UBA3: variants seen among roughly 807,000 people sequenced by gnomAD.
UBA3 encodes the protein ubiquitin like modifier activating enzyme 3.
UBA3 carries 26 observed loss-of-function variants against 73.5 expected under a neutral mutation model. That is an observed-to-expected ratio of 0.35 (90% confidence interval 0.26 to 0.49). The LOEUF (loss-of-function observed/expected upper bound fraction) is 0.49, where lower values mean the gene tolerates loss of function less well. Ranked by LOEUF, UBA3 falls within the 20% of genes least tolerant of loss-of-function variation. UBA3 has a pLI of 0.98. For missense variants in UBA3, 495 were observed against 555.6 expected, an observed-to-expected ratio of 0.89 and a Z score of 1.10; for synonymous variants, 217 against 191.2, an observed-to-expected ratio of 1.13 and a Z score of -1.11.
intron 6 of UBA3, among the ~76,000 whole-genome samples, chr3:69,066,445 T>G (rs544978116): frequency 2.0e-3 from 115 of 56,528 alleles, no homozygotes; most frequent in South Asian, 7.3e-3. Context: ...GTTTTTTGTG[T>G]TTTTTTTTGT....
At chr3:69,078,471 T>TC (rs2092188145) in intron 2 of UBA3, among the ~76,000 whole-genome samples, 1 of 152,102 alleles carries the variant, frequency 6.6e-6, no homozygotes, top group Non-Finnish European at 1.5e-5. Context: ...GGTTATTTTT[T>TC]CTTTTTCTTT....
rs775192290 is a variant in UBA3, at chr3:69,056,069, G to C, written c.1185-6C>G. The stretch of plus-strand genomic sequence containing the variant: ...TGGCTGGAGATTTCATTTGCCTAAA[G>C]ATTATGATGAGAGAGAAGTATCAAA... On this transcript the variant is annotated splice_region_variant and splice_polypyrimidine_tract_variant and intron_variant, in intron 15 of 17. Coordinates refer to ENST00000361055, the MANE Select transcript of UBA3 (RefSeq NM_003968.4). 2.4e-5 allele frequency: 38 copies of C among 1,594,326 alleles called. No individual in the cohort carries two copies. Among genetic ancestry groups the C allele is most frequent in the Non-Finnish European group, 3.1e-5 (36 of 1,174,396 alleles).
intron 6 of UBA3, 96 bp downstream of exon 6, chr3:69,067,832 C>T: frequency 3.5e-6 from 3 of 856,516 alleles, no homozygotes; most frequent in Admixed American, 2.9e-5. Flanking sequence ...GACTTTTTTT[C>T]CCTCTTGCTT....
At position 69,071,598 on chromosome 3, in the gene UBA3, T is replaced by C; in HGVS notation, c.284A>G (p.Gln95Arg). 6.4e-7 allele frequency: 1 copy of C among 1,560,216 alleles called. No individual in the cohort carries two copies. Among genetic ancestry groups the C allele is most frequent in the African/African-American group, 1.4e-5 (1 of 71,222 alleles). ...LKNLALSGFR[Q>R]IHVIDMDTID... ...AGTGTCCATATCTATAACATGAATCTGTCTAAAACCAGACAAGGCCTGTGG... is the reference window on the plus strand; with the variant it reads ...AGTGTCCATATCTATAACATGAATCCGTCTAAAACCAGACAAGGCCTGTGG... Residue 95 changes from glutamine to arginine, a missense_variant, in exon 5 of 18, where the codon CAG (glutamine) becomes CGG (arginine). Physicochemically the swap from Gln to Arg is conservative, Grantham distance 43. Transcript: ENST00000361055.
rs2092024335 is a variant in UBA3, at chr3:69,061,852, T to A, written c.872A>T (p.Gln291Leu). 6.2e-7 allele frequency: 1 copy of A among 1,610,726 alleles called. No homozygotes were observed. Residue 291 changes from glutamine (Q) to leucine (L), a missense_variant, in exon 11 of 18, where the codon CAA becomes CTA. Coordinates refer to ENST00000361055, the MANE Select transcript of UBA3 (RefSeq NM_003968.4). Reference sequence around the variant, plus strand: ...ATACGTAACACCCCTAATATTATATTGTGATGCTCTCTCTAGGGATTTTTG... The same window carrying A: ...ATACGTAACACCCCTAATATTATATAGTGATGCTCTCTCTAGGGATTTTTG... Reference protein sequence around the residue: ...IFQKSLERASQYNIRGVTYRL... With the variant: ...IFQKSLERASLYNIRGVTYRL...
At position 69,054,885 on chromosome 3, in the gene UBA3, T is replaced by C. The variant is rs1233573056; in HGVS notation, c.*552A>G. ...AGTAAACAGATGAAAATATTGCCCA[T>C]TTTCATGCACAGGTATTCAGCTATA... On this transcript the variant is annotated 3_prime_UTR_variant, in exon 18 of 18. Transcript: ENST00000361055. The C allele has an allele frequency of 2.0e-5, 3 of 152,218 alleles. No homozygotes were observed. The highest frequency in any genetic ancestry group is 4.4e-5 in the Non-Finnish European group (3 of 68,054). 9.4% of individuals were successfully genotyped at this position (152,218 alleles called of 1,614,324 possible).
chr3:69,069,524 A>G (rs2092104440), intron 5 of UBA3, among the ~76,000 whole-genome samples: 1 of 151,902 alleles, frequency 6.6e-6, no homozygotes, highest in Non-Finnish European at 1.5e-5. Flanking sequence ...ACAGGGTTTC[A>G]CCGTGTTGGC....
At chr3:69,059,762 G>A (rs1187565032) in intron 11 of UBA3, among the ~76,000 whole-genome samples, 1 of 152,078 alleles carries the variant, frequency 6.6e-6, no homozygotes, top group Non-Finnish European at 1.5e-5. Context: ...TTTTCAAAAA[G>A]AAGACAAAGC....
intron 5 of UBA3, among the ~76,000 whole-genome samples, chr3:69,068,651 C>T (rs1251689584): frequency 6.6e-6 from 1 of 151,834 alleles, no homozygotes; most frequent in African/African-American, 2.4e-5. Context: ...GGTGCGATCT[C>T]GGCTCACTGC....
chr3:69,074,517 TAAC>T (rs1222252420), intron 4 of UBA3, among the ~76,000 whole-genome samples: 1 of 152,242 alleles, frequency 6.6e-6, no homozygotes, highest in East Asian at 1.9e-4. Context: ...TAGTGTTTCT[TAAC>T]AAAATTAATG....
chr3:69,075,571 G>A, intron 3 of UBA3, 61 bp from the exon 4 acceptor site: 1 of 1,012,356 alleles, frequency 9.9e-7, no homozygotes, highest in Non-Finnish European at 1.4e-6. Flanking sequence ...TATAAATAAA[G>A]CAACAAACTT....
intron 1 of UBA3, 43 bp downstream of exon 1, chr3:69,080,290 CA>C (rs895267840): frequency 2.5e-6 from 4 of 1,601,598 alleles, no homozygotes; most frequent in African/African-American, 1.3e-5. Flanking sequence ...CGCTCTCTCA[CA>C]ACCCAGCCCA....
intron 11 of UBA3, among the ~76,000 whole-genome samples, chr3:69,058,368 T>G (rs1304533980): frequency 3.9e-5 from 6 of 152,198 alleles, no homozygotes; most frequent in Non-Finnish European, 5.9e-5. Flanking sequence ...TATCTCACAG[T>G]GTGAGGAAAC....
intron 5 of UBA3, among the ~76,000 whole-genome samples, chr3:69,069,455 G>A (rs767865923): frequency 6.6e-6 from 1 of 152,050 alleles, no homozygotes; most frequent in Non-Finnish European, 1.5e-5. Flanking sequence ...AGCCTCCAGA[G>A]TGCTGGGACT....
chr3:69,057,924 CTTTTTTT>C (rs368333207), intron 11 of UBA3, among the ~76,000 whole-genome samples: 1 of 115,476 alleles, frequency 8.7e-6, no homozygotes, highest in Non-Finnish European at 1.7e-5. Flanking sequence ...CCACATTTTT[CTTTTTTT>C]TTTTTTTTTT....
chr3:69,054,890 A>C lies in UBA3; in HGVS notation c.*547T>G, dbSNP rs1198214179. 1 of 152,268 alleles carries C rather than the reference A, an allele frequency of 6.6e-6. No individual in the cohort carries two copies. The highest frequency in any genetic ancestry group is 1.9e-4 in the East Asian group (1 of 5,204). 9.4% of individuals were successfully genotyped at this position (152,268 alleles called of 1,614,324 possible). ...ACAGATGAAAATATTGCCCATTTTC[A>C]TGCACAGGTATTCAGCTATAACACC... On this transcript the variant is annotated 3_prime_UTR_variant, in exon 18 of 18. Coordinates refer to ENST00000361055, the MANE Select transcript of UBA3 (RefSeq NM_003968.4).
intron 12 of UBA3, 35 bp downstream of exon 12, chr3:69,057,221 C>A (rs2091981513): frequency 6.3e-7 from 1 of 1,597,912 alleles, no homozygotes; most frequent in Admixed American, 1.8e-5. Context: ...CTAAAGAAAG[C>A]AAAATAAACT....
In UBA3 at chr3:69,061,891, A is replaced by C; in HGVS notation, c.833T>G (p.Ile278Arg). Reference protein sequence around the residue: ...VPLDGDDPEHIQWIFQKSLER... With the variant: ...VPLDGDDPEHRQWIFQKSLER... ...TAGGGATTTTTGGAAAATCCATTGTATATGTTCAGGATCATCTCCATCTAA... is the reference window on the plus strand; with the variant it reads ...TAGGGATTTTTGGAAAATCCATTGTCTATGTTCAGGATCATCTCCATCTAA... The change falls in exon 11 of 18, where the codon ATA becomes AGA. Residue 278 changes from isoleucine to arginine, a missense_variant. By Grantham distance (97) the Ile-to-Arg change is moderately conservative. Transcript: ENST00000361055. 1 of 1,611,444 alleles carries C rather than the reference A, an allele frequency of 6.2e-7. No homozygotes were observed. Among genetic ancestry groups the C allele is most frequent in the Non-Finnish European group, 8.5e-7 (1 of 1,178,978 alleles).
chr3:69,076,930 A>C (rs1389539901), intron 3 of UBA3, among the ~76,000 whole-genome samples: 1 of 151,930 alleles, frequency 6.6e-6, no homozygotes, highest in Non-Finnish European at 1.5e-5. Flanking sequence ...AAACTCACAA[A>C]ACATGAGATA....
Sources: allele counts gnomAD v4.1 joint callset (sites outside exome capture counted in the v4.1 genomes callset), GRCh38; gene constraint gnomAD v4.1.1; transcripts MANE v1.5; gene names NCBI Gene and HGNC (gene_info 2026-07-23, HGNC 2026-07-21).